ULK4: variants seen among roughly 807,000 people sequenced by gnomAD.
The protein encoded by ULK4 is unc-51 like kinase 4, also known as inactive serine/threonine-protein kinase ULK4.
ULK4 carries 133 observed loss-of-function variants against 160.6 expected under a neutral mutation model. The observed-to-expected ratio is 0.83, with a 90% CI of 0.72 to 0.96. The LOEUF (loss-of-function observed/expected upper bound fraction) is 0.96, where lower values mean the gene tolerates loss of function less well. ULK4 is among the 40% of genes least tolerant of loss of function. ULK4 has a pLI of 0.00. For missense variants in ULK4, 1,580 were observed against 1,499.5 expected (o/e 1.05, Z -0.89); for synonymous variants, 534 against 539.8 (o/e 0.99, Z 0.15).
chr3:41,916,542 C>A (rs1698970886), intron 7 of ULK4, among the ~76,000 whole-genome samples: 1 of 150,998 alleles, frequency 6.6e-6, no homozygotes, highest in South Asian at 2.1e-4. Context: ...GCATGCACTA[C>A]CATGCCTGAC....
At chr3:41,559,954 C>G (rs1398345569) in intron 32 of ULK4, among the ~76,000 whole-genome samples, 1 of 152,174 alleles carries the variant, frequency 6.6e-6, no homozygotes, top group Non-Finnish European at 1.5e-5. Flanking sequence ...TGCCTATGTC[C>G]TAAATGGTAT....
intron 34 of ULK4, among the ~76,000 whole-genome samples, chr3:41,454,385 C>T (rs1380697741): frequency 6.7e-6 from 1 of 149,826 alleles, no homozygotes; most frequent in East Asian, 2.0e-4. Context: ...ATTAAAAATG[C>T]AAAAATTAGC....
intron 32 of ULK4, among the ~76,000 whole-genome samples, chr3:41,511,232 T>C (rs938598556): frequency 2.1e-5 from 3 of 144,068 alleles, no homozygotes; most frequent in African/African-American, 7.9e-5. Context: ...CTCACGAAAC[T>C]AGAGAAACAA....
intron 34 of ULK4, 36 bp from the exon 35 acceptor site, chr3:41,398,300 T>C: frequency 6.2e-7 from 1 of 1,602,298 alleles, no homozygotes; most frequent in Non-Finnish European, 8.5e-7. Flanking sequence ...TAAATTTCCT[T>C]GAAGACGGTA....
chr3:41,737,112 G>C lies in ULK4; in HGVS notation c.2321+17249C>G, dbSNP rs369312260. On this transcript the variant is annotated intron_variant, in intron 22 of 36. Transcript: ENST00000301831. Reference sequence around the variant, plus strand: ...TTACTGTAGCCTTGTAGTATAGTTTGAAGTCAGGTAGTGTGATGCCTCCAG... The same window carrying C: ...TTACTGTAGCCTTGTAGTATAGTTTCAAGTCAGGTAGTGTGATGCCTCCAG... Among the ~76,000 whole-genome samples, 146 of 152,014 alleles carry C rather than the reference G, an allele frequency of 9.6e-4. 4 individuals carry two copies. The South Asian group carries it at 0.03, about 31-fold the overall frequency.
intron 3 of ULK4, 117 bp downstream of exon 3, chr3:41,937,981 C>T (rs1053729705): frequency 8.9e-6 from 6 of 672,506 alleles, no homozygotes; most frequent in African/African-American, 1.8e-5. Flanking sequence ...TCCCTAATAT[C>T]CACAGAGCAA....
intron 18 of ULK4, among the ~76,000 whole-genome samples, chr3:41,827,725 G>C (rs1389000076): frequency 6.6e-6 from 1 of 152,154 alleles, no homozygotes; most frequent in African/African-American, 2.4e-5. Context: ...GAGGTACAAG[G>C]AGGAGCTGGT....
chr3:41,771,976 A>G (rs556861598), intron 21 of ULK4, among the ~76,000 whole-genome samples: 1 of 151,984 alleles, frequency 6.6e-6, no homozygotes, highest in South Asian at 2.1e-4. Flanking sequence ...CAATCCCACT[A>G]CCCTCCGTCT....
At chr3:41,825,508 G>C (rs548431962) in intron 18 of ULK4, among the ~76,000 whole-genome samples, 1 of 152,230 alleles carries the variant, frequency 6.6e-6, no homozygotes, top group Non-Finnish European at 1.5e-5. Flanking sequence ...AGAACTACGT[G>C]ACAAAGGCGC....
intron 1 of ULK4, among the ~76,000 whole-genome samples, chr3:41,955,292 A>T (rs1700444475): frequency 6.6e-6 from 1 of 152,252 alleles, no homozygotes; most frequent in Non-Finnish European, 1.5e-5. Flanking sequence ...TCCAACTCAA[A>T]AATCAATAAA....
intron 27 of ULK4, among the ~76,000 whole-genome samples, chr3:41,701,564 A>C (rs1181822433): frequency 6.6e-6 from 1 of 152,228 alleles, no homozygotes; most frequent in East Asian, 1.9e-4. Context: ...TGTAAGCTAA[A>C]GGAAACTATA....
At chr3:41,917,305 A>G (rs965762884) in intron 7 of ULK4, among the ~76,000 whole-genome samples, 9 of 152,036 alleles carry the variant, frequency 5.9e-5, no homozygotes, top group African/African-American at 2.2e-4. Context: ...GGAGTTCAAG[A>G]CAAGCTAGGC....
chr3:41,520,398 T>A (rs1319092087), intron 32 of ULK4, among the ~76,000 whole-genome samples: 1 of 152,248 alleles, frequency 6.6e-6, no homozygotes, highest in East Asian at 1.9e-4. Context: ...CTTTAATTCC[T>A]TTTTATGGCT....
rs1359991024 is a variant in ULK4, at chr3:41,388,709, G to C, written c.3678+9370C>G. ...TAGATATGCGGCATTATTTCTGAGG[G>C]CTCTGTTCTGTTCCATTGATCTATA... On this transcript the variant is annotated intron_variant, in intron 35 of 36. Coordinates refer to ENST00000301831, the MANE Select transcript of ULK4 (RefSeq NM_017886.4). Among the ~76,000 whole-genome samples, 8 of 151,966 alleles carry C rather than the reference G, an allele frequency of 5.3e-5. No individual in the cohort carries two copies. The East Asian group carries it at 7.7e-4, about 15-fold the overall frequency.
intron 2 of ULK4, among the ~76,000 whole-genome samples, chr3:41,940,258 C>T (rs759970009): frequency 1.2e-4 from 19 of 152,162 alleles, no homozygotes; most frequent in South Asian, 8.3e-4. Context: ...CACATTGCTA[C>T]GTTTCTTTCC....
At chr3:41,615,802 C>T in intron 30 of ULK4, 85 bp from the exon 31 acceptor site, 1 of 1,196,030 alleles carries the variant, frequency 8.4e-7, no homozygotes. Flanking sequence ...CCTCAGCCCC[C>T]ATGTTTTATT....
intron 25 of ULK4, among the ~76,000 whole-genome samples, chr3:41,714,191 G>A (rs992913603): frequency 6.6e-6 from 1 of 151,976 alleles, no homozygotes; most frequent in Non-Finnish European, 1.5e-5. Flanking sequence ...AGACTTTCTG[G>A]AATTCAAGAT....
At chr3:41,740,794 CAAGT>C (rs2038217245) in intron 22 of ULK4, among the ~76,000 whole-genome samples, 2 of 151,878 alleles carry the variant, frequency 1.3e-5, no homozygotes, top group South Asian at 4.1e-4. Context: ...TTTCAAGGGA[CAAGT>C]AAGGAAGGAA....
chr3:41,856,191 GATT>G (rs796570679), intron 17 of ULK4, among the ~76,000 whole-genome samples: 18 of 152,018 alleles, frequency 1.2e-4, no homozygotes, highest in African/African-American at 3.6e-4. Context: ...ACAAAAATGT[GATT>G]ATTATTCAAC....
Sources: allele counts gnomAD v4.1 joint callset (sites outside exome capture counted in the v4.1 genomes callset), GRCh38; gene constraint gnomAD v4.1.1; transcripts MANE v1.5; gene names NCBI Gene and HGNC (gene_info 2026-07-23, HGNC 2026-07-21).